MB21D2: variants seen among roughly 807,000 people sequenced by gnomAD.
MB21D2 encodes the protein Mab-21 domain containing 2.
A neutral mutation model predicts 33.3 loss-of-function variants in MB21D2; 9 were observed. That is an observed-to-expected ratio of 0.27 (90% CI 0.16 to 0.47). The LOEUF is 0.47. Among genes scored for constraint, MB21D2 ranks in the 20% least tolerant of loss-of-function variants. MB21D2 has a pLI of 0.99. For synonymous variants in MB21D2, 241 were observed against 236.3 expected, an observed-to-expected ratio of 1.02 and a Z score of -0.18; for missense variants, 540 against 624.6, an observed-to-expected ratio of 0.86 and a Z score of 1.44.
At chr3:192,809,025 C>T (rs766046690) in intron 1 of MB21D2, among the ~76,000 whole-genome samples, 9 of 152,036 alleles carry the variant, frequency 5.9e-5, no homozygotes, top group East Asian at 1.9e-4. Context: ...CCATGCACTA[C>T]GGCACAGGCC....
At chr3:192,844,890 A>G (rs141070161) in intron 1 of MB21D2, among the ~76,000 whole-genome samples, 148 of 152,290 alleles carry the variant, frequency 9.7e-4, no homozygotes, top group African/African-American at 3.4e-3. Context: ...TCTGTTTCCA[A>G]GCCTCCCATC....
At chr3:192,809,848 C>T (rs1413171389) in intron 1 of MB21D2, among the ~76,000 whole-genome samples, 1 of 152,204 alleles carries the variant, frequency 6.6e-6, no homozygotes, top group Non-Finnish European at 1.5e-5. Flanking sequence ...TCTTGGACAA[C>T]TTTCAGAGAA....
At chr3:192,843,289 T>C (rs778758449) in intron 1 of MB21D2, among the ~76,000 whole-genome samples, 1 of 152,180 alleles carries the variant, frequency 6.6e-6, no homozygotes, top group Non-Finnish European at 1.5e-5. Context: ...AAAAGACAAG[T>C]GCTGAAAGAA....
At chr3:192,912,645 C>A (rs865917515) in intron 1 of MB21D2, among the ~76,000 whole-genome samples, 6 of 151,924 alleles carry the variant, frequency 3.9e-5, no homozygotes, top group Non-Finnish European at 8.8e-5. Flanking sequence ...TGCACTCCAG[C>A]CTGGGCAACA....
intron 1 of MB21D2, among the ~76,000 whole-genome samples, chr3:192,815,386 G>A (rs1030202949): frequency 1.3e-5 from 2 of 152,176 alleles, no homozygotes; most frequent in South Asian, 4.1e-4. Flanking sequence ...CAAACCGAGA[G>A]GCTTGTTAAA....
intron 1 of MB21D2, among the ~76,000 whole-genome samples, chr3:192,822,552 G>C (rs942206777): frequency 1.3e-5 from 2 of 152,174 alleles, no homozygotes; most frequent in Non-Finnish European, 2.9e-5. Flanking sequence ...TGCTACTGGG[G>C]ACCACGAGGA....
intron 1 of MB21D2, among the ~76,000 whole-genome samples, chr3:192,917,198 G>C (rs1429254871): frequency 6.6e-6 from 1 of 152,156 alleles, no homozygotes; most frequent in Non-Finnish European, 1.5e-5. Context: ...TCCCAAGCTC[G>C]GGAGAGCACC....
At chr3:192,887,717 A>G (rs899944175) in intron 1 of MB21D2, among the ~76,000 whole-genome samples, 4 of 152,128 alleles carry the variant, frequency 2.6e-5, no homozygotes, top group African/African-American at 9.7e-5. Context: ...CTTTACTAAC[A>G]GGTTGCTTTG....
chr3:192,819,907 A>G (rs1712007329), intron 1 of MB21D2, among the ~76,000 whole-genome samples: 1 of 152,172 alleles, frequency 6.6e-6, no homozygotes, highest in Non-Finnish European at 1.5e-5. Flanking sequence ...TCTGGGGACA[A>G]GCTCTGCATC....
chr3:192,846,101 A>T (rs892532289), intron 1 of MB21D2, among the ~76,000 whole-genome samples: 11 of 152,154 alleles, frequency 7.2e-5, no homozygotes, highest in African/African-American at 2.4e-4. Context: ...AAAATAAAAT[A>T]AAATTAATGC....
chr3:192,829,997 G>A (rs559872375), intron 1 of MB21D2, among the ~76,000 whole-genome samples: 443 of 152,232 alleles, frequency 2.9e-3, no homozygotes, highest in South Asian at 0.017. Flanking sequence ...CAAGTAGGTA[G>A]GACTACAGGT....
At chr3:192,898,339 A>T (rs752051093) in intron 1 of MB21D2, among the ~76,000 whole-genome samples, 8 of 151,956 alleles carry the variant, frequency 5.3e-5, no homozygotes, top group Non-Finnish European at 1.0e-4. Context: ...ACAGGTGTGC[A>T]TCACTATCTC....
chr3:192,830,131 T>G (rs1712280557), intron 1 of MB21D2, among the ~76,000 whole-genome samples: 1 of 152,108 alleles, frequency 6.6e-6, no homozygotes, highest in Non-Finnish European at 1.5e-5. Context: ...GGATTACAGT[T>G]GTAAGCCACC....
At chr3:192,897,575 C>T (rs1714006165) in intron 1 of MB21D2, among the ~76,000 whole-genome samples, 1 of 152,280 alleles carries the variant, frequency 6.6e-6, no homozygotes, top group Admixed American at 6.5e-5. Flanking sequence ...TCAAGAAAAT[C>T]TCCCAGCTTT....
intron 1 of MB21D2, among the ~76,000 whole-genome samples, chr3:192,879,690 T>C (rs2108642122): frequency 6.6e-6 from 1 of 152,238 alleles, no homozygotes; most frequent in East Asian, 1.9e-4. Context: ...AATCAACTTT[T>C]AGGCAGAAGC....
At position 192,870,619 on chromosome 3, in the gene MB21D2, G is replaced by A. The variant is rs189026836; in HGVS notation, c.211+47011C>T. Among the ~76,000 whole-genome samples the A allele has an allele frequency of 2.7e-3, 396 of 145,994 alleles. 5 individuals carry two copies. The South Asian group carries it at 0.027, about 10-fold the overall frequency. On this transcript the variant is annotated intron_variant, in intron 1 of 1. Coordinates refer to ENST00000392452, the MANE Select transcript of MB21D2 (RefSeq NM_178496.4). ...AGCCTGTAATCCCAGGCTGAGGCAG[G>A]AGAATCACTGGAACCTGGGAGGTGG...
At chr3:192,831,807 C>T (rs1458034053) in intron 1 of MB21D2, among the ~76,000 whole-genome samples, 16 of 152,094 alleles carry the variant, frequency 1.1e-4, no homozygotes, top group Admixed American at 1.0e-3. Context: ...GTGTAAGGAT[C>T]AATGGAATAA....
chr3:192,900,135 T>A (rs892328752), intron 1 of MB21D2, among the ~76,000 whole-genome samples: 5 of 151,680 alleles, frequency 3.3e-5, no homozygotes, highest in African/African-American at 9.7e-5. Context: ...ATACAAAAAA[T>A]TAGCCAGGCG....
At chr3:192,807,980 G>A (rs1711702763) in intron 1 of MB21D2, among the ~76,000 whole-genome samples, 1 of 151,960 alleles carries the variant, frequency 6.6e-6, no homozygotes, top group Non-Finnish European at 1.5e-5. Flanking sequence ...GAGGGATTGG[G>A]GGCGCTTTTC....
Sources: gnomAD v4.1 joint callset for allele counts (sites outside exome capture counted in the v4.1 genomes callset) on GRCh38, gnomAD v4.1.1 for gene constraint, MANE v1.5 for transcripts, NCBI Gene and HGNC (gene_info 2026-07-23, HGNC 2026-07-21) for gene names.